ZNF487: variants seen among roughly 807,000 people sequenced by gnomAD.
ZNF487 encodes KRAB domain only 1.
In ZNF487, 4 loss-of-function variants were observed where a neutral mutation model predicts 3.0. The ratio of observed to expected loss-of-function variants is 1.35; its 90% CI spans 0.66 to 3.08. ZNF487 has a LOEUF of 3.08. ZNF487 is among the 30% of genes most tolerant of loss of function. ZNF487 has a pLI of 0.01. For synonymous variants in ZNF487, 55 were observed against 34.6 expected (o/e 1.59, Z -2.06); for missense variants, 146 against 98.7 (o/e 1.48, Z -2.03).
At chr10:43,495,489 C>T in the ZNF487 span, among the ~76,000 whole-genome samples, 1 of 152,114 alleles carries the variant, frequency 6.6e-6, no homozygotes, top group South Asian at 2.1e-4. Flanking sequence ...GGTGATTTGC[C>T]CGCCTGGGGC....
At chr10:43,467,207 T>C (rs1407154071) in intron 1 of ZNF487, among the ~76,000 whole-genome samples, 1 of 151,678 alleles carries the variant, frequency 6.6e-6, no homozygotes, top group African/African-American at 2.4e-5. Flanking sequence ...GTTTTATTTT[T>C]TATTTTTCTT....
At chr10:43,475,935 T>C in intron 2 of ZNF487, 88 bp downstream of exon 2, 1 of 658,978 alleles carries the variant, frequency 1.5e-6, no homozygotes, top group South Asian at 1.8e-5. Flanking sequence ...TGAATATGAG[T>C]TAAAGGCTTG....
At chr10:43,441,878 T>C (rs1839625302) in intron 1 of ZNF487, among the ~76,000 whole-genome samples, 1 of 152,176 alleles carries the variant, frequency 6.6e-6, no homozygotes, top group African/African-American at 2.4e-5. Flanking sequence ...TGAGCCACCA[T>C]GCCCAGCCTT....
At chr10:43,459,214 C>A (rs1486310347) in intron 1 of ZNF487, among the ~76,000 whole-genome samples, 1 of 151,900 alleles carries the variant, frequency 6.6e-6, no homozygotes, top group Admixed American at 6.6e-5. Context: ...CCCAAGGTAT[C>A]CAGTCTTTTT....
At chr10:43,459,571 CTTTTAAAAAAAAATT>C (rs1840343564) in intron 1 of ZNF487, among the ~76,000 whole-genome samples, 1 of 151,808 alleles carries the variant, frequency 6.6e-6, no homozygotes, top group Non-Finnish European at 1.5e-5. Context: ...GGGTATTGAA[CTTTTAAAAAAAAATT>C]TTTAAGTCAG....
chr10:43,474,098 C>G (rs1224430818), intron 1 of ZNF487, among the ~76,000 whole-genome samples: 1 of 151,174 alleles, frequency 6.6e-6, no homozygotes, highest in Non-Finnish European at 1.5e-5. Flanking sequence ...GAGGTCAAAG[C>G]TGCAGTGAGC....
the ZNF487 span, among the ~76,000 whole-genome samples, chr10:43,501,881 A>G: frequency 6.6e-6 from 1 of 152,172 alleles, no homozygotes; most frequent in Non-Finnish European, 1.5e-5. Context: ...AAAAAAATTA[A>G]GATACTTCAG....
At chr10:43,486,162 A>C (rs1273396527), downstream of ZNF487, among the ~76,000 whole-genome samples, 1 of 152,216 alleles carries the variant, frequency 6.6e-6, no homozygotes, top group Non-Finnish European at 1.5e-5. Context: ...TTTCTTATCC[A>C]AGACAGACTA....
the ZNF487 span, among the ~76,000 whole-genome samples, chr10:43,513,748 G>A: frequency 1.3e-5 from 2 of 152,258 alleles, no homozygotes; most frequent in Admixed American, 1.3e-4. Flanking sequence ...AATGACCACA[G>A]GGTAAGTCCG....
chr10:43,498,099 ATTTTTTTTTTTTTTCTTTTTTTTTT>A, the ZNF487 span, among the ~76,000 whole-genome samples: 20 of 20,184 alleles, frequency 9.9e-4, no homozygotes, highest in African/African-American at 5.5e-3. Flanking sequence ...ATATATATAT[ATTTTTTTTTTTTTTCTTTTTTTTTT>A]TTTTTTTTTT....
chr10:43,466,592 G>T (rs369379321), intron 1 of ZNF487, among the ~76,000 whole-genome samples: 1 of 149,562 alleles, frequency 6.7e-6, no homozygotes, highest in East Asian at 2.0e-4. Context: ...TAGTAGAGAC[G>T]GGGTTTCACC....
chr10:43,466,707 C>A (rs183773728), intron 1 of ZNF487, among the ~76,000 whole-genome samples: 60 of 152,172 alleles, frequency 3.9e-4, no homozygotes, highest in African/African-American at 1.4e-3. Context: ...AGCTGGTTTA[C>A]TGATTATTTT....
chr10:43,495,390 T>A, the ZNF487 span, among the ~76,000 whole-genome samples: 3 of 151,954 alleles, frequency 2.0e-5, no homozygotes, highest in African/African-American at 7.3e-5. Flanking sequence ...ATTACAGGTG[T>A]ATGCCGCCAC....
At chr10:43,510,842 G>A in the ZNF487 span, among the ~76,000 whole-genome samples, 19,277 of 152,144 alleles carry the variant, frequency 0.13, 2,642 homozygotes, top group African/African-American at 0.34. Context: ...CACCGTGCCC[G>A]GCCCTGTAAC....
At chr10:43,448,620 G>T (rs1412849676) in intron 1 of ZNF487, among the ~76,000 whole-genome samples, 1 of 151,536 alleles carries the variant, frequency 6.6e-6, no homozygotes, top group East Asian at 2.0e-4. Flanking sequence ...GTTTGAGACT[G>T]ACCTGGCCAA....
the ZNF487 span, among the ~76,000 whole-genome samples, chr10:43,517,801 C>A: frequency 6.6e-6 from 1 of 152,156 alleles, no homozygotes; most frequent in Non-Finnish European, 1.5e-5. Context: ...GGGTGGCTTT[C>A]TTTGTTCTCA....
chr10:43,446,599 C>T (rs537049556), intron 1 of ZNF487, among the ~76,000 whole-genome samples: 10 of 147,126 alleles, frequency 6.8e-5, no homozygotes, highest in East Asian at 4.1e-4. Context: ...CCAGACAGGG[C>T]GGCCGGGCAG....
chr10:43,457,534 G>C (rs1265584858), intron 1 of ZNF487, among the ~76,000 whole-genome samples: 1 of 131,558 alleles, frequency 7.6e-6, no homozygotes, highest in African/African-American at 2.8e-5. Flanking sequence ...CAGCCTGGGC[G>C]ACAAAGCAAG....
rs1839422577 is a variant in ZNF487 at position 43,437,281 on chromosome 10, G to C, written c.-94+19G>C. On this transcript the variant is annotated intron_variant, in intron 1 of 3. Coordinates refer to ENST00000437590, the MANE Select transcript of ZNF487 (RefSeq NM_001355444.3). Reference sequence around the variant, plus strand: ...GGCCGAGGTGAGGGGCGGCCGGCGGGCAGGGGCCGGGTCTGAGGTCGAGGG... The same window carrying C: ...GGCCGAGGTGAGGGGCGGCCGGCGGCCAGGGGCCGGGTCTGAGGTCGAGGG... 1 of 210,858 alleles carries C rather than the reference G, an allele frequency of 4.7e-6. No homozygotes were observed. Among genetic ancestry groups the C allele is most frequent in the African/African-American group, 2.4e-5 (1 of 41,664 alleles). The allele number at this position is 210,858 out of a possible 1,614,324, so 13.1% of individuals were successfully genotyped here.
Sources: gnomAD v4.1 joint callset for allele counts (sites outside exome capture counted in the v4.1 genomes callset) on GRCh38, gnomAD v4.1.1 for gene constraint, MANE v1.5 for transcripts, NCBI Gene and HGNC (gene_info 2026-07-23, HGNC 2026-07-21) for gene names.